F5: variants seen among roughly 807,000 people sequenced by gnomAD.
The protein encoded by F5 is activated protein c cofactor.
In F5, 138 loss-of-function variants were observed where a neutral mutation model predicts 216.4. That is an observed-to-expected ratio of 0.64 (90% CI 0.56 to 0.73). The LOEUF (loss-of-function observed/expected upper bound fraction) is 0.73, where lower values mean the gene tolerates loss of function less well. Among genes scored for constraint, F5 ranks in the 30% least tolerant of loss-of-function variants. F5 has a pLI of 0.00. For synonymous variants in F5, 916 were observed against 930.7 expected, an observed-to-expected ratio of 0.98 and a Z score of 0.29; for missense variants, 2,403 against 2,674.0, an observed-to-expected ratio of 0.90 and a Z score of 2.24.
chr1:169,518,533 C>A lies in F5; in HGVS notation c.6224G>T (p.Gly2075Val). The change falls in exon 23 of 25, where the codon GGA becomes GTA. Residue 2075 changes from glycine (G) to valine (V), a missense_variant. Around this residue, in one of 4 missense-constraint regions of F5, gnomAD observed 659 missense variants for 787.9 expected, o/e 0.84. Transcript: ENST00000367797. The stretch of plus-strand genomic sequence containing the variant: ...TGTGATTTGCTTGTTTTCTATCTTT[C>A]CATTTTCCATACCCAGGGGTGTGGA... ...GCSTPLGMEN[G>V]KIENKQITAS... 1.2e-6 allele frequency: 2 copies of A among 1,613,876 alleles called. No homozygotes were observed. The highest frequency in any genetic ancestry group is 1.7e-6 in the Non-Finnish European group (2 of 1,179,876).
intron 23 of F5, 48 bp downstream of exon 23, chr1:169,518,364 C>T (rs373540139): frequency 1.2e-6 from 2 of 1,611,316 alleles, no homozygotes; most frequent in Admixed American, 1.7e-5. Context: ...AGGGCCTTTG[C>T]TTTCTTCTGG....
intron 3 of F5, among the ~76,000 whole-genome samples, chr1:169,570,923 A>G (rs182668623): frequency 2.0e-5 from 3 of 152,242 alleles, no homozygotes; most frequent in East Asian, 3.9e-4. Context: ...GAGGTTAAAT[A>G]ACTTCATAAA....
At chr1:169,529,840 T>C in intron 15 of F5, 22 bp from the exon 16 acceptor site, 1 of 1,588,476 alleles carries the variant, frequency 6.3e-7, no homozygotes, top group East Asian at 2.2e-5. Flanking sequence ...GAGTAAATTG[T>C]ATTGCCTCTT....
intron 2 of F5, among the ~76,000 whole-genome samples, chr1:169,576,660 C>T (rs1660856010): frequency 6.6e-6 from 1 of 152,146 alleles, no homozygotes; most frequent in South Asian, 2.1e-4. Context: ...ATGTCGGACT[C>T]CACTGACTGA....
intron 6 of F5, among the ~76,000 whole-genome samples, chr1:169,555,915 C>A (rs1274384626): frequency 6.6e-6 from 1 of 152,106 alleles, no homozygotes; most frequent in Non-Finnish European, 1.5e-5. Flanking sequence ...CATGAAGTAT[C>A]TCTTCCTTAT....
intron 2 of F5, among the ~76,000 whole-genome samples, chr1:169,575,544 G>C (rs1557932732): frequency 6.6e-6 from 1 of 152,160 alleles, no homozygotes; most frequent in Non-Finnish European, 1.5e-5. Flanking sequence ...TGAGAGAACA[G>C]ATAGAAGACT....
In F5 at chr1:169,532,995, A is replaced by C. The variant is rs1026952004; in HGVS notation, c.4972-1973T>G. Among the ~76,000 whole-genome samples, 83 of 152,276 alleles carry C rather than the reference A, an allele frequency of 5.5e-4. 1 individual carries two copies. The highest frequency in any genetic ancestry group is 5.3e-3 in the Admixed American group (81 of 15,280). ...TGAAACTATACTATAAAGTTACAAT[A>C]ACCAAAATAGCATGGTACTGATACA... is the stretch of plus-strand genomic sequence containing the variant. On this transcript the variant is annotated intron_variant, in intron 14 of 24. Coordinates refer to ENST00000367797, the MANE Select transcript of F5 (RefSeq NM_000130.5).
At chr1:169,521,279 G>T (rs1258284997) in intron 21 of F5, among the ~76,000 whole-genome samples, 1 of 152,142 alleles carries the variant, frequency 6.6e-6, no homozygotes, top group African/African-American at 2.4e-5. Context: ...CCTCACTGGG[G>T]TTGTGTCAGA....
At chr1:169,560,313 A>G (rs981575130) in intron 4 of F5, among the ~76,000 whole-genome samples, 1 of 152,162 alleles carries the variant, frequency 6.6e-6, no homozygotes, top group Non-Finnish European at 1.5e-5. Flanking sequence ...TCAAACAGGA[A>G]TTTGCCTGGG....
intron 22 of F5, among the ~76,000 whole-genome samples, 185 bp downstream of exon 22, chr1:169,520,335 T>C (rs13306336): frequency 2.0e-5 from 3 of 152,200 alleles, no homozygotes; most frequent in East Asian, 3.8e-4. Context: ...GGCACTCTGA[T>C]TGGCAGAACC....
intron 22 of F5, 147 bp from the exon 23 acceptor site, chr1:169,518,710 C>T: frequency 1.1e-6 from 1 of 909,002 alleles, no homozygotes; most frequent in Non-Finnish European, 1.7e-6. Flanking sequence ...AATCCAAGTG[C>T]CAAATACTGT....
chr1:169,558,837 C>T (rs9332570), intron 5 of F5, among the ~76,000 whole-genome samples: 3 of 151,852 alleles, frequency 2.0e-5, no homozygotes, highest in African/African-American at 4.8e-5. Context: ...CTTGAAGAAG[C>T]CATGGTCATC....
At chr1:169,535,264 AT>A (rs1020520777) in intron 14 of F5, among the ~76,000 whole-genome samples, 4 of 152,088 alleles carry the variant, frequency 2.6e-5, no homozygotes, top group African/African-American at 9.7e-5. Context: ...TCAGTATTTG[AT>A]TTTTTTCCTT....
In F5 at chr1:169,559,069, C is replaced by A. The variant is rs1660397763; in HGVS notation, c.730+84G>T. 1.1e-5 allele frequency: 16 copies of A among 1,488,440 alleles called. No individual in the cohort carries two copies. In the Admixed American group the frequency reaches 2.2e-4, roughly 20 times the overall value. 92.2% of individuals were successfully genotyped at this position (1,488,440 alleles called of 1,614,324 possible). A position where few individuals can be genotyped will look rare whatever the true frequency, so the allele number is the denominator to read the frequency against. ...GTTGCAAAACAGTGAGTATGGTCAA[C>A]TTCTCTAGTGCTTTGAAGAAAACAG... is the stretch of plus-strand genomic sequence containing the variant. On this transcript the variant is annotated intron_variant, in intron 5 of 24. Coordinates refer to ENST00000367797, the MANE Select transcript of F5 (RefSeq NM_000130.5).
At position 169,560,761 on chromosome 1, in the gene F5, A is replaced by C; in HGVS notation, c.379T>G (p.Ser127Ala). The stretch of plus-strand genomic sequence containing the variant: ...GCAGGGAATGTGTGGTCAAGGTAAG[A>C]AGCACCTGGAGGAGTAACAGCCATC... Reference protein sequence around the residue: ...IRYSKLSEGASYLDHTFPAEK... With the variant: ...IRYSKLSEGAAYLDHTFPAEK... Residue 127 changes from serine (S) to alanine (A), a missense_variant, in exon 4 of 25, where the codon TCT (serine) becomes GCT (alanine). Coordinates refer to ENST00000367797, the MANE Select transcript of F5 (RefSeq NM_000130.5). 1 of 1,612,024 alleles carries C rather than the reference A, an allele frequency of 6.2e-7. No homozygotes were observed. Among genetic ancestry groups the C allele is most frequent in the South Asian group, 1.1e-5 (1 of 91,016 alleles).
intron 11 of F5, among the ~76,000 whole-genome samples, chr1:169,545,682 C>T (rs996544451): frequency 2.6e-5 from 4 of 152,120 alleles, no homozygotes; most frequent in African/African-American, 9.7e-5. Context: ...TCTGATAATC[C>T]CTAGCTGTCA....
At chr1:169,523,480 C>G in intron 20 of F5, 128 bp from the exon 21 acceptor site, 1 of 1,065,056 alleles carries the variant, frequency 9.4e-7, no homozygotes, top group Non-Finnish European at 1.4e-6. Flanking sequence ...CAAACTGATA[C>G]AATGACTACA....
At chr1:169,547,999 AC>A (rs1660055414) in intron 10 of F5, among the ~76,000 whole-genome samples, 1 of 152,238 alleles carries the variant, frequency 6.6e-6, no homozygotes, top group Non-Finnish European at 1.5e-5. Context: ...ACCATAGAAT[AC>A]TATGTGACCA....
At chr1:169,519,844 A>G (rs975560275) in intron 22 of F5, among the ~76,000 whole-genome samples, 1 of 152,212 alleles carries the variant, frequency 6.6e-6, no homozygotes, top group Non-Finnish European at 1.5e-5. Context: ...TGTGCTTTGA[A>G]GTAAAAAATA....
Sources: gnomAD v4.1 joint callset for allele counts (sites outside exome capture counted in the v4.1 genomes callset) on GRCh38, gnomAD v4.1.1 for gene constraint, gnomAD v4.1.1 regional missense constraint, MANE v1.5 for transcripts, NCBI Gene and HGNC (gene_info 2026-07-23, HGNC 2026-07-21) for gene names.